TRDN: variants seen among roughly 807,000 people sequenced by gnomAD.
The protein encoded by TRDN is triadin, also known as triadin in skeletal muscle.
In TRDN, 161 loss-of-function variants were observed where a neutral mutation model predicts 149.7. The ratio of observed to expected loss-of-function variants is 1.08; its 90% CI spans 0.95 to 1.23. The LOEUF is 1.23. Ranked by LOEUF, TRDN falls within the 50% of genes most tolerant of loss-of-function variation. The pLI, the probability that TRDN is intolerant of heterozygous loss-of-function variation, is 0.00. For missense variants in TRDN, 896 were observed against 823.5 expected (o/e 1.09, Z -1.08); for synonymous variants, 294 against 250.5 (o/e 1.17, Z -1.64).
chr6:123,384,319 A>G (rs1318516879), intron 14 of TRDN, among the ~76,000 whole-genome samples: 1 of 152,142 alleles, frequency 6.6e-6, no homozygotes, highest in Non-Finnish European at 1.5e-5. Context: ...ACTCCACTAT[A>G]CTGAAATAGG....
chr6:123,585,673 T>C (rs533271114), intron 1 of TRDN, among the ~76,000 whole-genome samples: 106 of 152,228 alleles, frequency 7.0e-4, no homozygotes, highest in African/African-American at 2.3e-3. Flanking sequence ...TGGGGTTCCG[T>C]ACAGATGGGA....
At chr6:123,432,118 C>T (rs1774361269) in intron 12 of TRDN, among the ~76,000 whole-genome samples, 1 of 152,132 alleles carries the variant, frequency 6.6e-6, no homozygotes, top group East Asian at 1.9e-4. Context: ...TTCACCACCA[C>T]AAAGATGTTT....
chr6:123,556,828 A>G (rs1781690394), intron 2 of TRDN, among the ~76,000 whole-genome samples: 1 of 152,080 alleles, frequency 6.6e-6, no homozygotes, highest in African/African-American at 2.4e-5. Flanking sequence ...TTGACATCCA[A>G]ATCCCAAAGC....
chr6:123,442,746 T>A (rs998875878), intron 10 of TRDN, among the ~76,000 whole-genome samples: 1 of 152,160 alleles, frequency 6.6e-6, no homozygotes, highest in Non-Finnish European at 1.5e-5. Context: ...TGACATTTAC[T>A]GATCTCTTTG....
At chr6:123,616,616 T>C (rs1346122101) in intron 1 of TRDN, among the ~76,000 whole-genome samples, 1 of 152,194 alleles carries the variant, frequency 6.6e-6, no homozygotes, top group African/African-American at 2.4e-5. Context: ...TCTGTTGTTA[T>C]TGTTGTTTTC....
intron 12 of TRDN, among the ~76,000 whole-genome samples, chr6:123,408,084 A>G (rs1464004186): frequency 6.6e-6 from 1 of 152,192 alleles, no homozygotes; most frequent in Non-Finnish European, 1.5e-5. Context: ...TGTATTAACA[A>G]TGGTACCTGG....
At chr6:123,519,438 A>C (rs2114273112) in intron 5 of TRDN, among the ~76,000 whole-genome samples, 1 of 148,462 alleles carries the variant, frequency 6.7e-6, no homozygotes, top group South Asian at 2.1e-4. Flanking sequence ...CTTTTTCTCA[A>C]GTATATCAGA....
chr6:123,631,619 T>C (rs1450060196), intron 1 of TRDN, among the ~76,000 whole-genome samples: 2 of 152,086 alleles, frequency 1.3e-5, no homozygotes, highest in Non-Finnish European at 2.9e-5. Flanking sequence ...ACGAATAAAT[T>C]TGGTGACCAG....
At chr6:123,485,478 A>T (rs1455895095) in intron 9 of TRDN, among the ~76,000 whole-genome samples, 2 of 152,164 alleles carry the variant, frequency 1.3e-5, no homozygotes, top group Non-Finnish European at 2.9e-5. Flanking sequence ...CTGGCAAGGT[A>T]TGAGGCAGTG....
In TRDN at chr6:123,381,173, C is replaced by G. The variant is rs3829755; in HGVS notation, c.1186+197G>C. 3.0e-3 allele frequency among the ~76,000 whole-genome samples: 449 copies of G among 152,118 alleles called. 12 individuals are homozygous for G. In the East Asian group the frequency reaches 0.074, roughly 25 times the overall value. On this transcript the variant is annotated intron_variant, in intron 16 of 40. Transcript: ENST00000334268. ...GATTGCATGAGCTTGAGAAAGAGTT[C>G]TAAAAATGATTACTATGCTTCTCAG... is the stretch of plus-strand genomic sequence containing the variant.
chr6:123,248,820 A>G (rs1226497908), intron 38 of TRDN, among the ~76,000 whole-genome samples: 1 of 152,118 alleles, frequency 6.6e-6, no homozygotes, highest in African/African-American at 2.4e-5. Context: ...CAGTTTTAAA[A>G]CTATTCCAAG....
chr6:123,483,676 C>T (rs1777863101), intron 9 of TRDN, among the ~76,000 whole-genome samples: 1 of 152,080 alleles, frequency 6.6e-6, no homozygotes, highest in Non-Finnish European at 1.5e-5. Context: ...TATTTTTCTC[C>T]CACAGCTGCC....
chr6:123,435,308 C>T (rs2114584235), intron 12 of TRDN, among the ~76,000 whole-genome samples: 1 of 151,964 alleles, frequency 6.6e-6, no homozygotes, highest in Admixed American at 6.6e-5. Flanking sequence ...CCTTTGTCCC[C>T]CAGCTCTTCA....
At position 123,266,897 on chromosome 6, in the gene TRDN, A is replaced by G. The variant is rs193115766; in HGVS notation, c.1783+810T>C. 4.6e-3 allele frequency among the ~76,000 whole-genome samples: 672 copies of G among 145,164 alleles called. 5 individuals are homozygous for G. Among genetic ancestry groups the G allele is most frequent in the African/African-American group, 0.017 (657 of 39,348 alleles). On this transcript the variant is annotated intron_variant, in intron 32 of 40. Transcript: ENST00000334268. Reference sequence around the variant, plus strand: ...GCCGAGGTGGGTGGATCACGAGGTCAGGAGATCGAGACCATCCTGGCTAAC... The same window carrying G: ...GCCGAGGTGGGTGGATCACGAGGTCGGGAGATCGAGACCATCCTGGCTAAC...
At chr6:123,258,666 G>A (rs528774751) in intron 35 of TRDN, among the ~76,000 whole-genome samples, 1 of 152,206 alleles carries the variant, frequency 6.6e-6, no homozygotes, top group South Asian at 2.1e-4. Context: ...GAGTTAGGGA[G>A]GATTCCCTCT....
intron 12 of TRDN, among the ~76,000 whole-genome samples, chr6:123,416,296 C>A (rs1345509405): frequency 6.6e-6 from 1 of 152,196 alleles, no homozygotes; most frequent in African/African-American, 2.4e-5. Context: ...CAGATCTCCA[C>A]AACTCGGTTA....
rs187607478 is a variant in TRDN at position 123,540,440 on chromosome 6, A to T, written c.424+6900T>A. On this transcript the variant is annotated intron_variant, in intron 4 of 40. Transcript: ENST00000334268. ...AAGAGGATTTACTAATAACATGATT[A>T]AAAAAAAAAAACTATATCAAGTCAT... Among the ~76,000 whole-genome samples the T allele has an allele frequency of 1.7e-4, 24 of 138,890 alleles. No individual in the cohort carries two copies. In the East Asian group the frequency reaches 4.4e-3, roughly 25 times the overall value. The allele number at this position is 138,890 out of a possible 152,430, so 91.1% of individuals were successfully genotyped here.
At chr6:123,535,778 T>A (rs1309746141) in intron 4 of TRDN, among the ~76,000 whole-genome samples, 1 of 152,160 alleles carries the variant, frequency 6.6e-6, no homozygotes, top group Non-Finnish European at 1.5e-5. Context: ...AGGATTCCGA[T>A]GATCTGTAAA....
intron 32 of TRDN, among the ~76,000 whole-genome samples, chr6:123,265,745 CTAA>C (rs1449771485): frequency 2.0e-5 from 3 of 147,268 alleles, no homozygotes; most frequent in South Asian, 2.1e-4. Flanking sequence ...TTAATTTATA[CTAA>C]TAATATTAAT....
Sources: gnomAD v4.1 joint callset for allele counts (sites outside exome capture counted in the v4.1 genomes callset) on GRCh38, gnomAD v4.1.1 for gene constraint, MANE v1.5 for transcripts, NCBI Gene and HGNC (gene_info 2026-07-23, HGNC 2026-07-21) for gene names.